Variants in CFAP206 observed in about 807,000 individuals in gnomAD.
CFAP206 encodes cilia- and flagella-associated protein 206.
CFAP206 carries 53 observed loss-of-function variants against 65.4 expected under a neutral mutation model. The observed-to-expected ratio is 0.81, with a 90% CI of 0.65 to 1.02. CFAP206 has a LOEUF of 1.02. Among genes scored for constraint, CFAP206 ranks in the 50% least tolerant of loss-of-function variants. The probability of loss-of-function intolerance (pLI) is 0.00; values close to 1 mark genes in which losing one functional copy is unlikely to be tolerated. For synonymous variants in CFAP206, 250 were observed against 254.4 expected (o/e 0.98, Z 0.17); for missense variants, 663 against 753.2 (o/e 0.88, Z 1.40).
At chr6:87,416,967 T>A in intron 6 of CFAP206, 140 bp downstream of exon 6, 1 of 728,286 alleles carries the variant, frequency 1.4e-6, no homozygotes, top group Non-Finnish European at 2.2e-6. Context: ...TAAGAATAAC[T>A]ACTGTTTATA....
chr6:87,408,638 C>G (rs1434934479), intron 1 of CFAP206: 2 of 152,298 alleles, frequency 1.3e-5, no homozygotes, highest in Non-Finnish European at 1.5e-5. Flanking sequence ...CTGGCACTTG[C>G]GCATGCGCTG....
intron 11 of CFAP206, among the ~76,000 whole-genome samples, chr6:87,449,653 C>A (rs907875582): frequency 6.6e-6 from 1 of 151,946 alleles, no homozygotes; most frequent in Non-Finnish European, 1.5e-5. Flanking sequence ...ATCATTTGCC[C>A]ATTTTAAAAT....
At chr6:87,434,765 T>C in intron 10 of CFAP206, 95 bp from the exon 11 acceptor site, 1 of 711,952 alleles carries the variant, frequency 1.4e-6, no homozygotes, top group Non-Finnish European at 2.2e-6. Context: ...CCCAAAGTGC[T>C]GGAATTACAG....
chr6:87,448,630 C>A (rs562213066), intron 11 of CFAP206, among the ~76,000 whole-genome samples: 2 of 152,124 alleles, frequency 1.3e-5, no homozygotes, highest in South Asian at 4.2e-4. Context: ...TAATTTTGTC[C>A]CCATTAGCTA....
At chr6:87,450,007 G>C (rs1339784730) in intron 11 of CFAP206, among the ~76,000 whole-genome samples, 2 of 152,150 alleles carry the variant, frequency 1.3e-5, no homozygotes, top group African/African-American at 4.8e-5. Context: ...TATGGTGAGA[G>C]ATAGAGGTCT....
intron 11 of CFAP206, among the ~76,000 whole-genome samples, chr6:87,439,807 C>G (rs1340052025): frequency 6.6e-6 from 1 of 152,018 alleles, no homozygotes; most frequent in African/African-American, 2.4e-5. Context: ...CCTTTCCTCA[C>G]TGATCTACAG....
intron 11 of CFAP206, among the ~76,000 whole-genome samples, chr6:87,459,959 A>C (rs146608849): frequency 0.014 from 2,060 of 152,132 alleles, 21 homozygotes; most frequent in Non-Finnish European, 0.02. Context: ...TGTCTTTTTC[A>C]TGTAGTCCTT....
intron 7 of CFAP206, among the ~76,000 whole-genome samples, chr6:87,422,926 A>AT (rs1377131390): frequency 6.6e-6 from 1 of 151,408 alleles, no homozygotes; most frequent in Non-Finnish European, 1.5e-5. Flanking sequence ...GGTCTAGAGT[A>AT]TTTTTTTTCT....
intron 9 of CFAP206, among the ~76,000 whole-genome samples, chr6:87,430,349 G>A (rs1306724191): frequency 6.6e-6 from 1 of 152,264 alleles, no homozygotes. Context: ...TTATAAATAC[G>A]TGGTATTATT....
intron 8 of CFAP206, among the ~76,000 whole-genome samples, chr6:87,427,911 T>C (rs1007364335): frequency 6.6e-6 from 1 of 151,760 alleles, no homozygotes; most frequent in African/African-American, 2.4e-5. Flanking sequence ...TCTGTATAAA[T>C]AGGTGTTAAC....
chr6:87,447,726 T>G (rs1336681959), intron 11 of CFAP206, among the ~76,000 whole-genome samples: 1 of 152,092 alleles, frequency 6.6e-6, no homozygotes, highest in African/African-American at 2.4e-5. Context: ...TCCTTTTCCA[T>G]TGTTTGGAAG....
intron 11 of CFAP206, among the ~76,000 whole-genome samples, chr6:87,437,352 C>T (rs1429922559): frequency 1.3e-5 from 2 of 151,184 alleles, no homozygotes; most frequent in African/African-American, 2.4e-5. Flanking sequence ...CCCTTCTGTA[C>T]ATTGCGTATT....
Position 87,416,959 on chromosome 6 carries a change from A to G in CFAP206, c.631+132A>G, listed in dbSNP as rs376015142. 6.4e-5 allele frequency: 49 copies of G among 759,930 alleles called. 1 individual carries two copies. The highest frequency in any genetic ancestry group is 4.6e-4 in the East Asian group (17 of 36,836). 47.1% of individuals were successfully genotyped at this position (759,930 alleles called of 1,614,324 possible). On this transcript the variant is annotated intron_variant, in intron 6 of 12. Coordinates refer to ENST00000369562, the MANE Select transcript of CFAP206 (RefSeq NM_001031743.3). The stretch of plus-strand genomic sequence containing the variant: ...ATTTGCATTTTTTACTGTTTCCTTA[A>G]GAATAACTACTGTTTATAATGTGTA...
chr6:87,462,932 A>T (rs974427130), intron 12 of CFAP206, among the ~76,000 whole-genome samples: 5 of 152,226 alleles, frequency 3.3e-5, no homozygotes, highest in Non-Finnish European at 7.3e-5. Flanking sequence ...ACACCACCTC[A>T]ACAGTGCTTT....
intron 3 of CFAP206, 58 bp downstream of exon 3, chr6:87,410,726 A>G: frequency 1.6e-6 from 2 of 1,277,502 alleles, no homozygotes; most frequent in Admixed American, 3.4e-5. Context: ...TAAATACAAT[A>G]TTTGTATTAG....
intron 5 of CFAP206, 81 bp from the exon 6 acceptor site, chr6:87,416,588 C>T (rs1255311693): frequency 1.5e-6 from 2 of 1,315,016 alleles, no homozygotes; most frequent in Admixed American, 2.7e-5. Context: ...TAACTTGCTG[C>T]TAAAGAAAAA....
chr6:87,447,718 CT>C (rs1768468009), intron 11 of CFAP206, among the ~76,000 whole-genome samples: 1 of 152,106 alleles, frequency 6.6e-6, no homozygotes, highest in Non-Finnish European at 1.5e-5. Context: ...GCAGTCTTTC[CT>C]TTTCCATTGT....
intron 11 of CFAP206, among the ~76,000 whole-genome samples, chr6:87,446,466 G>A (rs1360544304): frequency 6.6e-6 from 1 of 152,062 alleles, no homozygotes; most frequent in African/African-American, 2.4e-5. Context: ...ATTAAATAGG[G>A]CATCCTTTCC....
At chr6:87,452,055 G>C (rs1308627739) in intron 11 of CFAP206, among the ~76,000 whole-genome samples, 1 of 152,154 alleles carries the variant, frequency 6.6e-6, no homozygotes, top group Non-Finnish European at 1.5e-5. Flanking sequence ...CATAGCCCCA[G>C]TGGTGGTGTA....
Sources: allele counts gnomAD v4.1 joint callset (sites outside exome capture counted in the v4.1 genomes callset), GRCh38; gene constraint gnomAD v4.1.1; transcripts MANE v1.5; gene names NCBI Gene and HGNC (gene_info 2026-07-23, HGNC 2026-07-21).